CNTN3: variants seen among roughly 807,000 people sequenced by gnomAD.
The protein encoded by CNTN3 is contactin 3.
In CNTN3, 60 loss-of-function variants were observed where a neutral mutation model predicts 119.1. The observed-to-expected ratio is 0.50, with a 90% CI of 0.41 to 0.62. The LOEUF is 0.62. Among genes scored for constraint, CNTN3 ranks in the 20% least tolerant of loss-of-function variants. CNTN3 has a pLI of 0.00. For synonymous variants in CNTN3, 450 were observed against 438.7 expected (o/e 1.03, Z -0.32); for missense variants, 1,101 against 1,242.4 (o/e 0.89, Z 1.71).
At chr3:74,388,127 G>A (rs1371406589) in intron 5 of CNTN3, among the ~76,000 whole-genome samples, 1 of 152,150 alleles carries the variant, frequency 6.6e-6, no homozygotes, top group African/African-American at 2.4e-5. Context: ...TGCCAGGAGA[G>A]TGTCTGATAC....
At chr3:74,278,338 C>T (rs1389138442) in intron 20 of CNTN3, among the ~76,000 whole-genome samples, 2 of 152,098 alleles carry the variant, frequency 1.3e-5, no homozygotes, top group Non-Finnish European at 2.9e-5. Context: ...AGAGGCATCA[C>T]ATTACCTGAT....
intron 1 of CNTN3, among the ~76,000 whole-genome samples, chr3:74,580,439 T>A (rs2106666757): frequency 6.6e-6 from 1 of 152,190 alleles, no homozygotes; most frequent in South Asian, 2.1e-4. Flanking sequence ...GAGAGAAAAT[T>A]ACACAACAAT....
intron 13 of CNTN3, among the ~76,000 whole-genome samples, chr3:74,307,778 G>A (rs1323704373): frequency 1.3e-5 from 2 of 152,108 alleles, no homozygotes; most frequent in Non-Finnish European, 2.9e-5. Context: ...TGCAAATATT[G>A]TACAAACTTT....
intron 13 of CNTN3, among the ~76,000 whole-genome samples, chr3:74,303,667 C>A (rs1304139192): frequency 6.6e-6 from 1 of 152,250 alleles, no homozygotes; most frequent in South Asian, 2.1e-4. Flanking sequence ...CCACTGCACT[C>A]CAGCTTGGCT....
rs1408795247 is a variant in CNTN3, at chr3:74,614,554, G to T, written c.-244C>A. Among the ~76,000 whole-genome samples, 1 of 147,688 alleles carries T rather than the reference G, an allele frequency of 6.8e-6. No individual in the cohort carries two copies. Among genetic ancestry groups the T allele is most frequent in the Admixed American group, 6.7e-5 (1 of 14,888 alleles). On this transcript the variant is annotated 5_prime_UTR_variant, in exon 1 of 23. Transcript: ENST00000263665. ...CGCCGCAGGCGCAGCACCCTCGTCC[G>T]CACGGTTCCCGGCCCAGTCCACGGC...
chr3:74,419,514 T>C (rs1035385381), intron 5 of CNTN3, among the ~76,000 whole-genome samples: 1 of 152,226 alleles, frequency 6.6e-6, no homozygotes, highest in Non-Finnish European at 1.5e-5. Context: ...TACCATAATG[T>C]CACTTCAGCC....
At chr3:74,380,392 C>T (rs915991208) in intron 5 of CNTN3, among the ~76,000 whole-genome samples, 1 of 152,162 alleles carries the variant, frequency 6.6e-6, no homozygotes, top group African/African-American at 2.4e-5. Context: ...TTCCTCATCG[C>T]TTATATTGAA....
chr3:74,318,868 T>C (rs182028083), intron 13 of CNTN3, among the ~76,000 whole-genome samples: 2 of 152,130 alleles, frequency 1.3e-5, no homozygotes, highest in Admixed American at 1.3e-4. Flanking sequence ...GGAGAACCAC[T>C]AGTCTCTTCA....
intron 1 of CNTN3, among the ~76,000 whole-genome samples, chr3:74,527,221 A>G (rs1703632957): frequency 6.6e-6 from 1 of 152,000 alleles, no homozygotes; most frequent in East Asian, 1.9e-4. Context: ...GTTCAAAGAA[A>G]CAAATATTCC....
chr3:74,433,779 T>C (rs1463837095), intron 4 of CNTN3, among the ~76,000 whole-genome samples: 1 of 151,936 alleles, frequency 6.6e-6, no homozygotes, highest in Non-Finnish European at 1.5e-5. Context: ...ACAGAAGACT[T>C]TTATTTATCT....
chr3:74,522,503 A>C (rs1703557792), intron 1 of CNTN3, among the ~76,000 whole-genome samples: 2 of 151,926 alleles, frequency 1.3e-5, no homozygotes, highest in South Asian at 4.1e-4. Flanking sequence ...ATTCAAGTGC[A>C]AGTAATTTAC....
chr3:74,448,825 G>A (rs975261376), intron 4 of CNTN3, among the ~76,000 whole-genome samples: 2 of 151,966 alleles, frequency 1.3e-5, no homozygotes, highest in South Asian at 4.1e-4. Context: ...AACAGTTTTT[G>A]TTTTCTCTGT....
intron 4 of CNTN3, among the ~76,000 whole-genome samples, chr3:74,446,203 G>A (rs1702045473): frequency 6.6e-6 from 1 of 152,148 alleles, no homozygotes; most frequent in African/African-American, 2.4e-5. Flanking sequence ...TAAGATGGTA[G>A]TAATACGTAC....
At chr3:74,369,055 CACTT>C in intron 8 of CNTN3, 130 bp downstream of exon 8, 1 of 544,852 alleles carries the variant, frequency 1.8e-6, no homozygotes, top group South Asian at 5.8e-5. Context: ...TGTTTATCAT[CACTT>C]AACAAAATGT....
At chr3:74,451,506 C>A (rs1702155121) in intron 4 of CNTN3, among the ~76,000 whole-genome samples, 1 of 152,152 alleles carries the variant, frequency 6.6e-6, no homozygotes, top group South Asian at 2.1e-4. Flanking sequence ...CGTGCAGAAG[C>A]TCTTTAGTTT....
Position 74,262,957 on chromosome 3 carries a change from A to C in CNTN3, c.*1444T>G, listed in dbSNP as rs1280299821. On this transcript the variant is annotated 3_prime_UTR_variant, in exon 23 of 23. Coordinates refer to ENST00000263665, the MANE Select transcript of CNTN3 (RefSeq NM_020872.3). Reference sequence around the variant, plus strand: ...TTTTGTGTATGATGACTTTATCTTAAATGTAATCTCTAAATGTAAAATAGT... The same window carrying C: ...TTTTGTGTATGATGACTTTATCTTACATGTAATCTCTAAATGTAAAATAGT... The C allele has an allele frequency of 1.3e-5, 2 of 152,082 alleles. No individual in the cohort carries two copies. The highest frequency in any genetic ancestry group is 2.9e-5 in the Non-Finnish European group (2 of 67,988). 9.4% of individuals were successfully genotyped at this position (152,082 alleles called of 1,614,324 possible).
At chr3:74,384,466 C>A (rs1054979757) in intron 5 of CNTN3, among the ~76,000 whole-genome samples, 1 of 152,250 alleles carries the variant, frequency 6.6e-6, no homozygotes, top group Non-Finnish European at 1.5e-5. Flanking sequence ...CCAGAATAAA[C>A]TTACCTAGGA....
intron 4 of CNTN3, among the ~76,000 whole-genome samples, chr3:74,472,169 C>G (rs1391512963): frequency 6.6e-6 from 1 of 152,194 alleles, no homozygotes; most frequent in Non-Finnish European, 1.5e-5. Flanking sequence ...AAATTCAACT[C>G]AACCTCAGTG....
intron 1 of CNTN3, among the ~76,000 whole-genome samples, chr3:74,588,169 G>A (rs373508998): frequency 0.025 from 3,861 of 152,090 alleles, 74 homozygotes; most frequent in South Asian, 0.04. Flanking sequence ...TTGATGTGCT[G>A]CTGGATTCGG....
Sources: allele counts gnomAD v4.1 joint callset (sites outside exome capture counted in the v4.1 genomes callset), GRCh38; gene constraint gnomAD v4.1.1; transcripts MANE v1.5; gene names NCBI Gene and HGNC (gene_info 2026-07-23, HGNC 2026-07-21).